Variants in P4HB observed in about 807,000 individuals in gnomAD.
P4HB encodes the protein protein disulfide-isomerase.
In P4HB, 20 loss-of-function variants were observed where a neutral mutation model predicts 52.6. The observed-to-expected ratio is 0.38, with a 90% CI of 0.27 to 0.55. P4HB has a LOEUF of 0.55. Among genes scored for constraint, P4HB ranks in the 20% least tolerant of loss-of-function variants. The pLI is 0.74. For missense variants in P4HB, 601 were observed against 669.2 expected, an observed-to-expected ratio of 0.90 and a Z score of 1.12; for synonymous variants, 296 against 277.9, an observed-to-expected ratio of 1.07 and a Z score of -0.65.
chr17:81,850,606 C>T (rs1161323099), intron 4 of P4HB, among the ~76,000 whole-genome samples: 2 of 151,930 alleles, frequency 1.3e-5, no homozygotes, highest in Admixed American at 6.6e-5. Flanking sequence ...GCCTCAGCCT[C>T]GCAAGTAGCT....
chr17:81,846,936 GAGC>G lies in P4HB; in HGVS notation c.855+8_855+10del, dbSNP rs2038744591. On this transcript the variant is annotated splice_region_variant and intron_variant, in intron 6 of 10. Coordinates refer to ENST00000331483, the MANE Select transcript of P4HB (RefSeq NM_000918.4). The surrounding 1 kb of genome is among the most constrained non-coding windows in gnomAD (Gnocchi z 5.7). Reference sequence around the variant, plus strand: ...GCACCGCCCCACGAGCCACCCAGAAGAGCAGCTCACCTTGCCCTTGAAGCTCTC... The same window carrying G: ...GCACCGCCCCACGAGCCACCCAGAAGAGCTCACCTTGCCCTTGAAGCTCTC... 1 of 1,613,486 alleles carries G rather than the reference GAGC, an allele frequency of 6.2e-7. No individual in the cohort carries two copies. Among genetic ancestry groups the G allele is most frequent in the East Asian group, 2.2e-5 (1 of 44,904 alleles).
chr17:81,846,074 G>T lies in P4HB; in HGVS notation c.1057-83C>A. 1 of 1,455,282 alleles carries T rather than the reference G, an allele frequency of 6.9e-7. No individual in the cohort carries two copies. The highest frequency in any genetic ancestry group is 9.1e-7 in the Non-Finnish European group (1 of 1,100,326). 90.1% of individuals were successfully genotyped at this position (1,455,282 alleles called of 1,614,324 possible). A position where few individuals can be genotyped will look rare whatever the true frequency, so the allele number is the denominator to read the frequency against. ...CCCAACCCTCACCCTGCCCGGGACT[G>T]AGGTGCGTGGCTGCCCTGGGCACAC... On this transcript the variant is annotated intron_variant, in intron 7 of 10. Coordinates refer to ENST00000331483, the MANE Select transcript of P4HB (RefSeq NM_000918.4). The surrounding 1 kb of genome is among the most constrained non-coding windows in gnomAD (Gnocchi z 5.7).
chr17:81,844,101 C>T lies in P4HB; in HGVS notation c.1447-9G>A, dbSNP rs138348620. On this transcript the variant is annotated splice_polypyrimidine_tract_variant and intron_variant, in intron 10 of 10. Coordinates refer to ENST00000331483, the MANE Select transcript of P4HB (RefSeq NM_000918.4). The stretch of plus-strand genomic sequence containing the variant: ...TCCAGGTCCTCGAGATCCTGGGATA[C>T]AGGAAAAGGGGCGGGGCGGGCAGGT... The T allele has an allele frequency of 0.021, 33,671 of 1,598,586 alleles. 2,127 individuals carry two copies. The highest frequency in any genetic ancestry group is 0.19 in the East Asian group (8,405 of 44,772).
intron 4 of P4HB, among the ~76,000 whole-genome samples, chr17:81,852,559 C>T (rs1371477163): frequency 2.0e-5 from 3 of 152,358 alleles, no homozygotes; most frequent in Non-Finnish European, 2.9e-5. Flanking sequence ...CTGCCTGCAA[C>T]GACCACGTTC....
At chr17:81,849,356 C>T (rs149801043) in intron 4 of P4HB, among the ~76,000 whole-genome samples, 97 of 142,904 alleles carry the variant, frequency 6.8e-4, no homozygotes, top group African/African-American at 2.5e-3. Context: ...ATTAGCTGGG[C>T]GTGGTGGCGG....
chr17:81,855,964 G>C lies in P4HB; in HGVS notation c.353-378C>G, dbSNP rs934251867. 1.6e-5 allele frequency: 3 copies of C among 184,734 alleles called. No homozygotes were observed. Among genetic ancestry groups the C allele is most frequent in the African/African-American group, 4.7e-5 (2 of 42,302 alleles). 11.4% of individuals were successfully genotyped at this position (184,734 alleles called of 1,614,324 possible). A position where few individuals can be genotyped will look rare whatever the true frequency, so the allele number is the denominator to read the frequency against. ...GCTCACTGCAGCCTCCACCCACTGG[G>C]CTCAAGCAATCTTCCCAACCTCAGC... On this transcript the variant is annotated intron_variant, in intron 2 of 10. Coordinates refer to ENST00000331483, the MANE Select transcript of P4HB (RefSeq NM_000918.4). The surrounding 1 kb of genome is among the most constrained non-coding windows in gnomAD (Gnocchi z 4.3).
At chr17:81,848,837 G>A (rs990965043) in intron 4 of P4HB, among the ~76,000 whole-genome samples, 2 of 150,452 alleles carry the variant, frequency 1.3e-5, no homozygotes, top group African/African-American at 2.4e-5. Context: ...TTGAGTTCAC[G>A]AGTTTGGGAC....
In P4HB at chr17:81,844,107, A is replaced by G. The variant is rs562747205; in HGVS notation, c.1447-15T>C. The G allele has an allele frequency of 3.3e-5, 52 of 1,588,152 alleles. No individual in the cohort carries two copies. In the East Asian group the frequency reaches 1.0e-3, roughly 31 times the overall value. On this transcript the variant is annotated splice_polypyrimidine_tract_variant and intron_variant, in intron 10 of 10. Coordinates refer to ENST00000331483, the MANE Select transcript of P4HB (RefSeq NM_000918.4). Reference sequence around the variant, plus strand: ...TCCTCGAGATCCTGGGATACAGGAAAAGGGGCGGGGCGGGCAGGTTGGCTG... The same window carrying G: ...TCCTCGAGATCCTGGGATACAGGAAGAGGGGCGGGGCGGGCAGGTTGGCTG...
intron 4 of P4HB, among the ~76,000 whole-genome samples, chr17:81,853,800 C>G (rs2143347253): frequency 6.6e-6 from 1 of 152,278 alleles, no homozygotes; most frequent in African/African-American, 2.4e-5. Flanking sequence ...CCGAGACTTT[C>G]TCTCCTATCC....
At chr17:81,851,442 G>A (rs1408735691) in intron 4 of P4HB, among the ~76,000 whole-genome samples, 1 of 152,220 alleles carries the variant, frequency 6.6e-6, no homozygotes, top group African/African-American at 2.4e-5. Flanking sequence ...CCGAACCCGA[G>A]GGGCAGAGGC....
intron 10 of P4HB, among the ~76,000 whole-genome samples, chr17:81,844,787 C>T (rs1005981221): frequency 3.9e-5 from 6 of 152,268 alleles, no homozygotes; most frequent in African/African-American, 9.6e-5. Flanking sequence ...CCCATGTCTG[C>T]GCCCTTGTGC....
At chr17:81,849,404 G>A (rs1265657616) in intron 4 of P4HB, among the ~76,000 whole-genome samples, 6 of 151,094 alleles carry the variant, frequency 4.0e-5, no homozygotes, top group Non-Finnish European at 7.4e-5. Flanking sequence ...GCTGAGGCAG[G>A]AGAATCGCTT....
Position 81,843,846 on chromosome 17 carries a change from G to C in P4HB, c.*166C>G, listed in dbSNP as rs201824642. The C allele has an allele frequency of 1.4e-4, 90 of 653,910 alleles. 1 individual carries two copies. Among genetic ancestry groups the C allele is most frequent in the South Asian group, 7.6e-4 (44 of 57,812 alleles). The allele number at this position is 653,910 out of a possible 1,614,324, so 40.5% of individuals were successfully genotyped here. A position where few individuals can be genotyped will look rare whatever the true frequency, so the allele number is the denominator to read the frequency against. ...AACCGAAAAGCAGAAGGAAGAGACGGGGGTGAACGGACGGTGTGTAGGGGT... is the reference window on the plus strand; with the variant it reads ...AACCGAAAAGCAGAAGGAAGAGACGCGGGTGAACGGACGGTGTGTAGGGGT... On this transcript the variant is annotated 3_prime_UTR_variant, in exon 11 of 11. Coordinates refer to ENST00000331483, the MANE Select transcript of P4HB (RefSeq NM_000918.4).
intron 4 of P4HB, 145 bp from the exon 5 acceptor site, chr17:81,847,492 C>T (rs1051231772): frequency 5.8e-6 from 4 of 685,840 alleles, no homozygotes; most frequent in Admixed American, 4.3e-5. Context: ...GCAATGGGTA[C>T]AGGACATGGC....
At chr17:81,845,795 C>A in intron 8 of P4HB, 53 bp from the exon 9 acceptor site, 1 of 1,612,774 alleles carries the variant, frequency 6.2e-7, no homozygotes, top group Non-Finnish European at 8.5e-7. Context: ...CACTGGCAGA[C>A]GCTTCCCCAG....
At chr17:81,851,836 G>A (rs1037360460) in intron 4 of P4HB, among the ~76,000 whole-genome samples, 1 of 152,228 alleles carries the variant, frequency 6.6e-6, no homozygotes, top group Non-Finnish European at 1.5e-5. Context: ...ACTTAGCAGG[G>A]CACAGCAGCA....
Position 81,843,817 on chromosome 17 carries a change from C to T in P4HB, c.*195G>A. 1.6e-6 allele frequency: 1 copy of T among 614,022 alleles called. No homozygotes were observed. Among genetic ancestry groups the T allele is most frequent in the Non-Finnish European group, 2.9e-6 (1 of 344,978 alleles). 38.0% of individuals were successfully genotyped at this position (614,022 alleles called of 1,614,324 possible). On this transcript the variant is annotated 3_prime_UTR_variant, in exon 11 of 11. Coordinates refer to ENST00000331483, the MANE Select transcript of P4HB (RefSeq NM_000918.4). ...GGCTGCCTGGAGATGGATCCCTTTC[C>T]AAAAACCGAAAAGCAGAAGGAAGAG...
chr17:81,845,911 G>A lies in P4HB; in HGVS notation c.1137C>T (p.Asp379=), dbSNP rs377540224. The change falls in exon 8 of 11, where the codon GAC becomes GAT. Residue 379 remains aspartate, a synonymous_variant. Transcript: ENST00000331483. ...CGTTTTTTTTCTCATCAAAAGCCAC[G>A]TCTTCAAAGTTCTTCCCAACAAGCA... is the stretch of plus-strand genomic sequence containing the variant. ...VKVLVGKNFE[D]VAFDEKKNVF... The A allele has an allele frequency of 1.5e-5, 24 of 1,613,630 alleles. No individual in the cohort carries two copies. Among genetic ancestry groups the A allele is most frequent in the African/African-American group, 5.3e-5 (4 of 74,932 alleles).
chr17:81,845,845 TG>T (rs2038727457), intron 8 of P4HB, 25 bp downstream of exon 8: 3 of 1,613,878 alleles, frequency 1.9e-6, no homozygotes, highest in Admixed American at 1.7e-5. Flanking sequence ...GGCACGGACC[TG>T]GGGAGCTGAA....
Sources: allele counts gnomAD v4.1 joint callset (sites outside exome capture counted in the v4.1 genomes callset), GRCh38; gene constraint gnomAD v4.1.1; non-coding constraint Gnocchi (gnomAD v3.1); transcripts MANE v1.5; gene names NCBI Gene and HGNC (gene_info 2026-07-23, HGNC 2026-07-21).